SLC22A3: variants seen among roughly 807,000 people sequenced by gnomAD.
The protein encoded by SLC22A3 is EMT organic cation transporter 3.
A neutral mutation model predicts 59.1 loss-of-function variants in SLC22A3; 51 were observed. The observed-to-expected ratio is 0.86, with a 90% confidence interval of 0.69 to 1.09. SLC22A3 has a LOEUF of 1.09. Among genes scored for constraint, SLC22A3 ranks in the 50% least tolerant of loss-of-function variants. The pLI is 0.00. For missense variants in SLC22A3, 711 were observed against 726.3 expected, an observed-to-expected ratio of 0.98 and a Z score of 0.24; for synonymous variants, 325 against 292.0, an observed-to-expected ratio of 1.11 and a Z score of -1.15.
intron 5 of SLC22A3, among the ~76,000 whole-genome samples, chr6:160,413,033 G>A (rs770246815): frequency 6.1e-4 from 93 of 151,924 alleles, no homozygotes; most frequent in Non-Finnish European, 1.2e-3. Flanking sequence ...ATATAGAAAG[G>A]AATATAGAAA....
intron 4 of SLC22A3, 69 bp from the exon 5 acceptor site, chr6:160,410,660 A>C (rs1204771482): frequency 2.1e-6 from 2 of 963,552 alleles, no homozygotes; most frequent in African/African-American, 3.2e-5. Context: ...TGATAGAAAA[A>C]CTCAAGGCAA....
At chr6:160,375,709 C>T (rs578139328) in intron 1 of SLC22A3, among the ~76,000 whole-genome samples, 17 of 152,240 alleles carry the variant, frequency 1.1e-4, no homozygotes, top group Admixed American at 2.0e-4. Flanking sequence ...TTGCATATTT[C>T]CTGCACTGTA....
At chr6:160,365,227 C>T (rs1041914689) in intron 1 of SLC22A3, among the ~76,000 whole-genome samples, 1 of 152,184 alleles carries the variant, frequency 6.6e-6, no homozygotes, top group African/African-American at 2.4e-5. Flanking sequence ...GAAATGGCCT[C>T]ATGAGGTAAG....
In SLC22A3 at chr6:160,393,586, A is replaced by G. The variant is rs571908966; in HGVS notation, c.430-4393A>G. Among the ~76,000 whole-genome samples the G allele has an allele frequency of 4.6e-3, 705 of 152,192 alleles. 3 individuals are homozygous for G. Among genetic ancestry groups the G allele is most frequent in the African/African-American group, 0.016 (680 of 41,524 alleles). On this transcript the variant is annotated intron_variant, in intron 1 of 10. Transcript: ENST00000275300. ...TAGTTTGCTGAGAATGATGGTTTCC[A>G]GCTTCATCCATGTCCCTACAAAGAA... is the stretch of plus-strand genomic sequence containing the variant.
In SLC22A3 at chr6:160,373,748, T is replaced by C. The variant is rs148110871; in HGVS notation, c.430-24231T>C. On this transcript the variant is annotated intron_variant, in intron 1 of 10. Coordinates refer to ENST00000275300, the MANE Select transcript of SLC22A3 (RefSeq NM_021977.4). ...GAGAGGCAGTCTGGCTACAGTGGCT[T>C]TACCAAGCTTTGGTGAGCTCTGTCC... Among the ~76,000 whole-genome samples, 778 of 152,272 alleles carry C rather than the reference T, an allele frequency of 5.1e-3. 5 individuals are homozygous for C. The highest frequency in any genetic ancestry group is 7.8e-3 in the Non-Finnish European group (528 of 68,010).
At chr6:160,431,994 T>C (rs1788167112) in intron 5 of SLC22A3, among the ~76,000 whole-genome samples, 1 of 152,220 alleles carries the variant, frequency 6.6e-6, no homozygotes, top group South Asian at 2.1e-4. Flanking sequence ...GATAGCTTCA[T>C]CTTAAGACTT....
chr6:160,363,005 A>G (rs1443171908), intron 1 of SLC22A3, among the ~76,000 whole-genome samples: 1 of 152,006 alleles, frequency 6.6e-6, no homozygotes, highest in African/African-American at 2.4e-5. Flanking sequence ...GCAGCCCCGG[A>G]GCCCGCCGAG....
In SLC22A3 at chr6:160,349,027, TG is replaced by T. The variant is rs1157403065; in HGVS notation, c.429+182del. On this transcript the variant is annotated intron_variant, in intron 1 of 10. Coordinates refer to ENST00000275300, the MANE Select transcript of SLC22A3 (RefSeq NM_021977.4). ...CTTGGAAGTGCCGCGTCGTAAATGCTGGGAAAAGCCTTTCGTTATCTGCCTG... is the reference window on the plus strand; with the variant it reads ...CTTGGAAGTGCCGCGTCGTAAATGCTGGAAAAGCCTTTCGTTATCTGCCTG... 3 of 985,358 alleles carry T rather than the reference TG, an allele frequency of 3.0e-6. No individual in the cohort carries two copies. In the African/African-American group the frequency reaches 5.2e-5, roughly 17 times the overall value. 61.0% of individuals were successfully genotyped at this position (985,358 alleles called of 1,614,324 possible). A position where few individuals can be genotyped will look rare whatever the true frequency, so the allele number is the denominator to read the frequency against.
intron 1 of SLC22A3, among the ~76,000 whole-genome samples, chr6:160,396,238 G>T (rs1009415224): frequency 2.6e-5 from 4 of 151,984 alleles, no homozygotes; most frequent in African/African-American, 9.7e-5. Flanking sequence ...ACAAACAATG[G>T]GACAATTTGA....
chr6:160,376,301 A>T (rs375645941), intron 1 of SLC22A3, among the ~76,000 whole-genome samples: 1 of 147,088 alleles, frequency 6.8e-6, no homozygotes, highest in East Asian at 2.2e-4. Context: ...ATGAGAACAC[A>T]TGGACTCAGG....
chr6:160,349,202 A>G (rs971591686), intron 1 of SLC22A3: 3 of 473,604 alleles, frequency 6.3e-6, no homozygotes, highest in African/African-American at 4.2e-5. Context: ...GGGCGCCGTC[A>G]TTGGAAATTA....
chr6:160,386,084 C>A (rs897884244), intron 1 of SLC22A3, among the ~76,000 whole-genome samples: 23 of 152,224 alleles, frequency 1.5e-4, no homozygotes, highest in Non-Finnish European at 2.9e-4. Context: ...TCCACCTGCA[C>A]CTTCTGCAGA....
At chr6:160,421,991 G>A (rs1043793817) in intron 5 of SLC22A3, among the ~76,000 whole-genome samples, 3 of 152,184 alleles carry the variant, frequency 2.0e-5, no homozygotes, top group Non-Finnish European at 2.9e-5. Flanking sequence ...CTGTGAACGC[G>A]CTCCTTCGTG....
At chr6:160,438,889 T>C (rs1205964030) in intron 7 of SLC22A3, among the ~76,000 whole-genome samples, 1 of 152,068 alleles carries the variant, frequency 6.6e-6, no homozygotes, top group Non-Finnish European at 1.5e-5. Context: ...TTGCAGCTCC[T>C]TGGTGTCACT....
At chr6:160,367,438 G>A (rs937658967) in intron 1 of SLC22A3, among the ~76,000 whole-genome samples, 4 of 152,162 alleles carry the variant, frequency 2.6e-5, no homozygotes, top group Non-Finnish European at 5.9e-5. Flanking sequence ...ACCATATCAC[G>A]TGGTTTCTTT....
At chr6:160,357,600 T>A (rs1784886329) in intron 1 of SLC22A3, among the ~76,000 whole-genome samples, 2 of 152,180 alleles carry the variant, frequency 1.3e-5, no homozygotes, top group African/African-American at 4.8e-5. Context: ...ACGTTTAATA[T>A]TGATGACGTT....
chr6:160,405,268 AAGAGAGT>A (rs1786965970), intron 2 of SLC22A3, among the ~76,000 whole-genome samples: 1 of 152,148 alleles, frequency 6.6e-6, no homozygotes, highest in Non-Finnish European at 1.5e-5. Flanking sequence ...TAGCTCACCA[AAGAGAGT>A]ATACAGATGA....
chr6:160,363,548 G>T (rs1243287218), intron 1 of SLC22A3, among the ~76,000 whole-genome samples: 2 of 152,110 alleles, frequency 1.3e-5, no homozygotes, highest in Non-Finnish European at 1.5e-5. Flanking sequence ...ACGCTGGATG[G>T]GGCTGGGTTG....
intron 1 of SLC22A3, among the ~76,000 whole-genome samples, chr6:160,385,191 G>A (rs1583464773): frequency 6.6e-6 from 1 of 152,154 alleles, no homozygotes; most frequent in East Asian, 1.9e-4. Flanking sequence ...TGTTTCTTGT[G>A]TACTGTTGTG....
Sources: gnomAD v4.1 joint callset for allele counts (sites outside exome capture counted in the v4.1 genomes callset) on GRCh38, gnomAD v4.1.1 for gene constraint, MANE v1.5 for transcripts, NCBI Gene and HGNC (gene_info 2026-07-23, HGNC 2026-07-21) for gene names.